Variants in ANXA8 observed in about 807,000 individuals in gnomAD.
ANXA8 encodes the protein VAC-beta.
ANXA8 carries 9 observed loss-of-function variants against 26.8 expected under a neutral mutation model. The observed-to-expected ratio is 0.34, with a 90% confidence interval of 0.20 to 0.59. The LOEUF is 0.59. ANXA8 is among the 20% of genes least tolerant of loss of function. The pLI is 0.84. For missense variants in ANXA8, 83 were observed against 238.5 expected (o/e 0.35, Z 4.29); for synonymous variants, 39 against 94.8 (o/e 0.41, Z 3.42).
chr10:47,666,973 A>G, the ANXA8 span, among the ~76,000 whole-genome samples: 1 of 152,050 alleles, frequency 6.6e-6, no homozygotes, highest in African/African-American at 2.4e-5. Context: ...TAAACATTCT[A>G]TCAGTTGTCC....
chr10:47,598,629 A>AT, the ANXA8 span, among the ~76,000 whole-genome samples: 10 of 110,380 alleles, frequency 9.1e-5, no homozygotes, highest in Admixed American at 1.0e-3. Flanking sequence ...TCCTAAATGA[A>AT]TTAAGATGTA....
the ANXA8 span, among the ~76,000 whole-genome samples, chr10:47,604,182 G>GACC: frequency 6.6e-6 from 1 of 151,932 alleles, no homozygotes; most frequent in Non-Finnish European, 1.5e-5. Flanking sequence ...TCTGGTAAGT[G>GACC]ACCACCACAT....
the ANXA8 span, among the ~76,000 whole-genome samples, chr10:47,671,646 A>G: frequency 1.3e-5 from 2 of 151,692 alleles, no homozygotes; most frequent in African/African-American, 4.9e-5. Flanking sequence ...TGAAGGGCTC[A>G]ATGGTCCCTA....
the ANXA8 span, among the ~76,000 whole-genome samples, chr10:47,768,275 C>T: frequency 2.0e-5 from 3 of 151,592 alleles, 1 homozygote; most frequent in African/African-American, 7.3e-5. Flanking sequence ...AACAACTGAC[C>T]CACATTTTTT....
chr10:47,503,721 C>T, the ANXA8 span, among the ~76,000 whole-genome samples: 2 of 103,154 alleles, frequency 1.9e-5, no homozygotes, highest in South Asian at 5.9e-4. Flanking sequence ...GTCAGGAGTT[C>T]AAGACCATCC....
At chr10:47,476,588 G>A (rs1307053933) in intron 4 of ANXA8, among the ~76,000 whole-genome samples, 15 of 88,380 alleles carry the variant, frequency 1.7e-4, no homozygotes, top group African/African-American at 5.8e-4. Context: ...TAAGCATCCC[G>A]ATCCATAAAC....
the ANXA8 span, among the ~76,000 whole-genome samples, chr10:47,645,517 GAGAAAGACAA>G: frequency 6.7e-6 from 1 of 149,658 alleles, no homozygotes; most frequent in Non-Finnish European, 1.5e-5. Flanking sequence ...GAAAGAGAAA[GAGAAAGACAA>G]AGAAAGAAAA....
chr10:47,556,370 T>A, the ANXA8 span, among the ~76,000 whole-genome samples: 755 of 152,058 alleles, frequency 5.0e-3, 21 homozygotes, highest in African/African-American at 0.017. Flanking sequence ...CTTTGAAAGT[T>A]TTTAATAACA....
chr10:47,645,893 CA>C, the ANXA8 span, among the ~76,000 whole-genome samples: 1 of 149,790 alleles, frequency 6.7e-6, no homozygotes, highest in Non-Finnish European at 1.5e-5. Context: ...GATATTGGAA[CA>C]CCTGGTTCTC....
chr10:47,671,861 T>C, the ANXA8 span, among the ~76,000 whole-genome samples: 3 of 151,712 alleles, frequency 2.0e-5, no homozygotes, highest in African/African-American at 7.3e-5. Context: ...ATTTTTTTAG[T>C]GTTTTGCTTC....
the ANXA8 span, among the ~76,000 whole-genome samples, chr10:47,495,191 G>T: frequency 0.03 from 4,535 of 150,070 alleles, 50 homozygotes; most frequent in Middle Eastern, 0.041. Context: ...GGTATGGAGG[G>T]GAAACAGAGA....
chr10:47,636,680 C>T, the ANXA8 span, among the ~76,000 whole-genome samples: 4,830 of 151,448 alleles, frequency 0.032, 2 homozygotes, highest in African/African-American at 0.11. Flanking sequence ...AAGAATTCAG[C>T]CTTTGAGCAG....
intron 1 of ANXA8, among the ~76,000 whole-genome samples, chr10:47,481,967 CT>C (rs1839833375): frequency 7.0e-6 from 1 of 143,512 alleles, no homozygotes; most frequent in Non-Finnish European, 1.5e-5. Flanking sequence ...GCTGCCACGC[CT>C]TGGCCTTCCC....
chr10:47,639,318 T>G, the ANXA8 span, among the ~76,000 whole-genome samples: 19 of 115,972 alleles, frequency 1.6e-4, no homozygotes, highest in South Asian at 6.1e-4. Flanking sequence ...ATTATTATTT[T>G]TTTTTTTTTT....
At chr10:47,672,676 T>G in the ANXA8 span, among the ~76,000 whole-genome samples, 8 of 152,006 alleles carry the variant, frequency 5.3e-5, no homozygotes, top group African/African-American at 1.9e-4. Flanking sequence ...GATGAAGGCA[T>G]GAAGGGTGAC....
the ANXA8 span, among the ~76,000 whole-genome samples, chr10:47,536,384 G>A: frequency 0.013 from 729 of 55,856 alleles, 8 homozygotes; most frequent in Middle Eastern, 0.051. Flanking sequence ...TGGAAAAGGC[G>A]AGAAAAAAGA....
In ANXA8 at chr10:47,484,057, G is replaced by T. The variant is rs1312064087; in HGVS notation, c.-124C>A. The T allele has an allele frequency of 9.9e-6, 16 of 1,609,700 alleles. 1 individual carries two copies. The highest frequency in any genetic ancestry group is 1.3e-5 in the Non-Finnish European group (15 of 1,178,384). ...GCAGGCCGCTCACTTGGGTGTGGGGGTGCAAGCCCGCCCAGGGCAGCGCCA... is the reference window on the plus strand; with the variant it reads ...GCAGGCCGCTCACTTGGGTGTGGGGTTGCAAGCCCGCCCAGGGCAGCGCCA... On this transcript the variant is annotated 5_prime_UTR_variant, in exon 1 of 12. Transcript: ENST00000585281.
chr10:47,672,923 G>T, the ANXA8 span, among the ~76,000 whole-genome samples: 2 of 151,488 alleles, frequency 1.3e-5, no homozygotes, highest in Non-Finnish European at 2.9e-5. Flanking sequence ...GAGGATACAA[G>T]GGAGCCTAAA....
the ANXA8 span, among the ~76,000 whole-genome samples, chr10:47,702,338 C>T: frequency 1.3e-5 from 2 of 148,882 alleles, no homozygotes; most frequent in Non-Finnish European, 3.0e-5. Context: ...ATTTTCTTTT[C>T]TTTTCTTTTT....
Sources: gnomAD v4.1 joint callset for allele counts (sites outside exome capture counted in the v4.1 genomes callset) on GRCh38, gnomAD v4.1.1 for gene constraint, MANE v1.5 for transcripts, NCBI Gene and HGNC (gene_info 2026-07-23, HGNC 2026-07-21) for gene names.